The following FBLN1 variants were observed in gnomAD, a reference collection of about 807,000 sequenced individuals.
FBLN1 encodes fibulin 1, also known as fibulin-1.
Under a neutral mutation model 89.7 loss-of-function variants are expected in FBLN1, and 34 were observed. The ratio of observed to expected loss-of-function variants is 0.38; its 90% CI spans 0.29 to 0.50. The LOEUF is 0.50. FBLN1 is among the 20% of genes least tolerant of loss of function. The probability of loss-of-function intolerance (pLI) is 0.92; values close to 1 mark genes in which losing one functional copy is unlikely to be tolerated. For missense variants in FBLN1, 777 were observed against 988.1 expected (o/e 0.79, Z 2.86); for synonymous variants, 393 against 391.3 (o/e 1.00, Z -0.05).
At chr22:45,539,358 G>C (rs904006740) in intron 8 of FBLN1, among the ~76,000 whole-genome samples, 3 of 151,504 alleles carry the variant, frequency 2.0e-5, no homozygotes, top group African/African-American at 7.3e-5. Flanking sequence ...CCACAACCAT[G>C]CCTGGCTAAT....
intron 1 of FBLN1, among the ~76,000 whole-genome samples, chr22:45,510,733 G>C (rs955193705): frequency 2.0e-5 from 3 of 151,916 alleles, no homozygotes; most frequent in Admixed American, 1.3e-4. Flanking sequence ...GGGTGTCCAG[G>C]GCATGGTCCC....
chr22:45,593,025 A>G (rs1453381373), intron 16 of FBLN1, among the ~76,000 whole-genome samples: 1 of 152,124 alleles, frequency 6.6e-6, no homozygotes, highest in Non-Finnish European at 1.5e-5. Flanking sequence ...GCTGCACTTT[A>G]GAAGGGAAGA....
At chr22:45,514,715 T>A (rs1486083873) in intron 1 of FBLN1, among the ~76,000 whole-genome samples, 1 of 152,152 alleles carries the variant, frequency 6.6e-6, no homozygotes, top group Non-Finnish European at 1.5e-5. Flanking sequence ...TAACTGGTGC[T>A]TACTGAGCCG....
chr22:45,507,632 A>G (rs2088040428), intron 1 of FBLN1, among the ~76,000 whole-genome samples: 1 of 152,042 alleles, frequency 6.6e-6, no homozygotes, highest in Non-Finnish European at 1.5e-5. Context: ...TATTCAAACC[A>G]TTCTCCTGCC....
Position 45,533,872 on chromosome 22 carries a change from A to G in FBLN1, c.758A>G (p.Glu253Gly), listed in dbSNP as rs2088445078. The change falls in exon 7 of 17, where the codon GAG becomes GGG. Residue 253 changes from glutamate (E) to glycine (G), a missense_variant. Glu to Gly is a moderately conservative substitution (Grantham distance 98). Coordinates refer to ENST00000327858, the MANE Select transcript of FBLN1 (RefSeq NM_006486.3). ...GACAGCAGCTGCGGGACTGGCTATG[A>G]GCTCACAGAGGACAATAGCTGCAAA... ...QRDSSCGTGYELTEDNSCKDI... is the reference protein window; with the variant it reads ...QRDSSCGTGYGLTEDNSCKDI... The G allele has an allele frequency of 6.2e-7, 1 of 1,613,992 alleles. No homozygotes were observed. Among genetic ancestry groups the G allele is most frequent in the Admixed American group, 1.7e-5 (1 of 60,004 alleles).
At position 45,563,752 on chromosome 22, in the gene FBLN1, G is replaced by A. The variant is rs1474567151; in HGVS notation, c.1698-10759G>A. ...TGTGGCCATGCCAGGTCAAGGAAGCGGGTCTGCTGGCCCCTGCCTGGTTCT... is the reference window on the plus strand; with the variant it reads ...TGTGGCCATGCCAGGTCAAGGAAGCAGGTCTGCTGGCCCCTGCCTGGTTCT... On this transcript the variant is annotated intron_variant, in intron 14 of 16. Coordinates refer to ENST00000327858, the MANE Select transcript of FBLN1 (RefSeq NM_006486.3). The surrounding 1 kb of genome is among the most constrained non-coding windows in gnomAD (Gnocchi z 5.7). Among the ~76,000 whole-genome samples, 2 of 152,170 alleles carry A rather than the reference G, an allele frequency of 1.3e-5. No individual in the cohort carries two copies. The highest frequency in any genetic ancestry group is 2.1e-4 in the South Asian group (1 of 4,824).
chr22:45,518,457 G>A (rs2088200504), intron 1 of FBLN1: 2 of 601,254 alleles, frequency 3.3e-6, no homozygotes, highest in Middle Eastern at 4.4e-4. Context: ...GGATTCAGAT[G>A]GGGGAGGATT....
chr22:45,534,313 AAAAAAAAGCAAAAAC>A (rs2088454251), intron 7 of FBLN1, among the ~76,000 whole-genome samples: 1 of 151,110 alleles, frequency 6.6e-6, no homozygotes, highest in Non-Finnish European at 1.5e-5. Flanking sequence ...AAAAAAAAAA[AAAAAAAAGCAAAAAC>A]AAAAATCCCA....
chr22:45,561,123 A>G lies in FBLN1; in HGVS notation c.1697+10508A>G, dbSNP rs924450444. On this transcript the variant is annotated intron_variant, in intron 14 of 16. Transcript: ENST00000327858. The surrounding 1 kb of genome is among the most constrained non-coding windows in gnomAD (Gnocchi z 4.7). ...TCCCCATTCCAAGTTGCAGGGTCCC[A>G]TTCTTTTTCAATCAATGCCCTCACT... 1.3e-5 allele frequency among the ~76,000 whole-genome samples: 2 copies of G among 152,174 alleles called. No individual in the cohort carries two copies. The highest frequency in any genetic ancestry group is 2.9e-5 in the Non-Finnish European group (2 of 68,026).
intron 14 of FBLN1, chr22:45,564,806 G>GA: frequency 6.3e-7 from 1 of 1,575,886 alleles, no homozygotes; most frequent in Non-Finnish European, 8.7e-7. Context: ...TCTGTTCAGG[G>GA]AACAGATGAC....
In FBLN1 at chr22:45,533,779, C is replaced by G. The variant is rs369112052; in HGVS notation, c.665C>G (p.Thr222Arg). The change falls in exon 7 of 17, where the codon ACG (threonine) becomes AGG (arginine). Residue 222 changes from threonine (T) to arginine (R), a missense_variant. By Grantham distance (71) the Thr-to-Arg change is moderately conservative (BLOSUM62 -1). Transcript: ENST00000327858. ...VSCEDVNECITGSHSCRLGES... is the reference protein window; with the variant it reads ...VSCEDVNECIRGSHSCRLGES... The stretch of plus-strand genomic sequence containing the variant: ...CTCCTAGATGTCAATGAATGCATCA[C>G]GGGCAGCCACAGCTGCCGGCTTGGA... 1 of 1,612,796 alleles carries G rather than the reference C, an allele frequency of 6.2e-7. No homozygotes were observed. Among genetic ancestry groups the G allele is most frequent in the East Asian group, 2.2e-5 (1 of 44,874 alleles).
intron 2 of FBLN1, among the ~76,000 whole-genome samples, chr22:45,521,354 C>T (rs1421740528): frequency 6.6e-6 from 1 of 152,222 alleles, no homozygotes; most frequent in Non-Finnish European, 1.5e-5. Flanking sequence ...ACTCCAGGGT[C>T]ACCAGATGCA....
chr22:45,515,018 T>C (rs950874423), intron 1 of FBLN1, among the ~76,000 whole-genome samples: 8 of 152,226 alleles, frequency 5.3e-5, no homozygotes, highest in Admixed American at 1.3e-4. Flanking sequence ...CACTGGTGAC[T>C]TGACGCTTTT....
chr22:45,541,428 ACCCTG>A, intron 9 of FBLN1, 56 bp downstream of exon 9: 4 of 1,606,190 alleles, frequency 2.5e-6, no homozygotes, highest in Non-Finnish European at 3.4e-6. Flanking sequence ...TCCAGCATGC[ACCCTG>A]CCTTCTCTGG....
intron 1 of FBLN1, among the ~76,000 whole-genome samples, chr22:45,509,181 C>T (rs913237670): frequency 1.3e-5 from 2 of 152,042 alleles, no homozygotes; most frequent in East Asian, 1.9e-4. Flanking sequence ...AGGGGAGATG[C>T]GTCCTGGAAG....
chr22:45,543,578 G>A, intron 11 of FBLN1, 52 bp downstream of exon 11: 1 of 1,600,622 alleles, frequency 6.2e-7, no homozygotes, highest in Non-Finnish European at 8.5e-7. Context: ...TTCCTCCTGG[G>A]GAAGCCACCC....
At chr22:45,521,935 C>CA (rs1215573408) in intron 2 of FBLN1, among the ~76,000 whole-genome samples, 16 of 151,384 alleles carry the variant, frequency 1.1e-4, no homozygotes, top group African/African-American at 2.7e-4. Context: ...TTAAAAGATG[C>CA]AAAAAACAGG....
At chr22:45,538,457 G>GT (rs1356604678) in intron 8 of FBLN1, among the ~76,000 whole-genome samples, 1 of 152,094 alleles carries the variant, frequency 6.6e-6, no homozygotes, top group Non-Finnish European at 1.5e-5. Flanking sequence ...GAGACTTTTT[G>GT]TTTTTTTATG....
At chr22:45,564,991 A>G in intron 14 of FBLN1, 1 of 1,613,804 alleles carries the variant, frequency 6.2e-7, no homozygotes, top group Middle Eastern at 1.7e-4. Context: ...CTTGATGCCT[A>G]GTGAGGAAGA....
Sources: gnomAD v4.1 joint callset for allele counts (sites outside exome capture counted in the v4.1 genomes callset) on GRCh38, gnomAD v4.1.1 for gene constraint, Gnocchi (gnomAD v3.1) non-coding constraint, MANE v1.5 for transcripts, NCBI Gene and HGNC (gene_info 2026-07-23, HGNC 2026-07-21) for gene names.